AMT: variants seen among roughly 807,000 people sequenced by gnomAD.
The protein encoded by AMT is aminomethyltransferase.
A neutral mutation model predicts 39.5 loss-of-function variants in AMT; 24 were observed. The observed-to-expected ratio is 0.61, with a 90% confidence interval of 0.44 to 0.86. The LOEUF (loss-of-function observed/expected upper bound fraction) is 0.86. Among genes scored for constraint, AMT ranks in the 40% least tolerant of loss-of-function variants. The pLI is 0.00. For missense variants in AMT, 501 were observed against 537.0 expected (o/e 0.93, Z 0.66); for synonymous variants, 210 against 212.1 (o/e 0.99, Z 0.09).
chr3:49,422,225 C>T lies in AMT; in HGVS notation c.137G>A (p.Gly46Asp). The T allele has an allele frequency of 6.2e-7, 1 of 1,614,128 alleles. No homozygotes were observed. The highest frequency in any genetic ancestry group is 8.5e-7 in the Non-Finnish European group (1 of 1,180,036). Residue 46 changes from glycine (G) to aspartate (D), a missense_variant, in exon 2 of 9, where the codon GGC becomes GAC. By Grantham distance (94) the Gly-to-Asp change is moderately conservative (BLOSUM62 -1). Coordinates refer to ENST00000273588, the MANE Select transcript of AMT (RefSeq NM_000481.4). Reference protein sequence around the residue: ...TPLYDFHLAHGGKMVAFAGWS... With the variant: ...TPLYDFHLAHDGKMVAFAGWS... ...ACCCGCAAACGCCACCATTTTCCCGCCGTGGGCCAGGTGGAAGTCATAGAG... is the reference window on the plus strand; with the variant it reads ...ACCCGCAAACGCCACCATTTTCCCGTCGTGGGCCAGGTGGAAGTCATAGAG...
chr3:49,419,461 G>A, intron 5 of AMT, 56 bp from the exon 6 acceptor site: 1 of 1,598,158 alleles, frequency 6.3e-7, no homozygotes, highest in Non-Finnish European at 8.5e-7. Context: ...CTCAAAGCTG[G>A]ACTAAAGCCT....
chr3:49,418,668 AT>A (rs35024166), intron 7 of AMT: 924 of 309,762 alleles, frequency 3.0e-3, no homozygotes, highest in East Asian at 6.7e-3. Context: ...TGCCCAGCTA[AT>A]TTTTTTTTTG....
Position 49,417,336 on chromosome 3 carries a change from T to G in AMT, c.*204A>C. 2 of 1,595,544 alleles carry G rather than the reference T, an allele frequency of 1.3e-6. No homozygotes were observed. The highest frequency in any genetic ancestry group is 1.7e-6 in the Non-Finnish European group (2 of 1,176,184). On this transcript the variant is annotated 3_prime_UTR_variant, in exon 9 of 9. Coordinates refer to ENST00000273588, the MANE Select transcript of AMT (RefSeq NM_000481.4). ...TGAAACAAGACATTGTGTGAGCTGGTCCGTCACTCAGAAGCAGGGTCCTGA... is the reference window on the plus strand; with the variant it reads ...TGAAACAAGACATTGTGTGAGCTGGGCCGTCACTCAGAAGCAGGGTCCTGA...
chr3:49,417,690 G>C lies in AMT; in HGVS notation c.1062C>G (p.Pro354=), dbSNP rs377227163. 5.6e-6 allele frequency: 9 copies of C among 1,613,938 alleles called. No individual in the cohort carries two copies. Among genetic ancestry groups the C allele is most frequent in the African/African-American group, 5.3e-5 (4 of 74,898 alleles). ...CCATCGCCACATTCTTCTTCAGAGA[G>C]GGGGAGGGGCAGCCACTAGTCACAG... ...IGTVTSGCPS[P]SLKKNVAMGY... Residue 354 remains proline (P), a synonymous_variant, in exon 9 of 9, where the codon CCC becomes CCG. Transcript: ENST00000273588.
Position 49,417,438 on chromosome 3 carries a change from C to T in AMT, c.*102G>A, listed in dbSNP as rs545080523. On this transcript the variant is annotated 3_prime_UTR_variant, in exon 9 of 9. Coordinates refer to ENST00000273588, the MANE Select transcript of AMT (RefSeq NM_000481.4). ...TCAACCAGACAATTAGAATCAGCCT[C>T]CACCTTAACTGCCCACCCCCAGTGA... 1.1e-5 allele frequency: 17 copies of T among 1,613,212 alleles called. No homozygotes were observed. In the African/African-American group the frequency reaches 2.1e-4, roughly 20 times the overall value.
chr3:49,418,142 A>C, intron 7 of AMT, 169 bp from the exon 8 acceptor site: 1 of 779,988 alleles, frequency 1.3e-6, no homozygotes, highest in Non-Finnish European at 2.1e-6. Flanking sequence ...ACCACCTCCT[A>C]TCCCCTGGAG....
rs1257943493 is a variant in AMT, at chr3:49,417,311, T to A, written c.*229A>T. The A allele has an allele frequency of 4.4e-6, 7 of 1,597,338 alleles. No homozygotes were observed. The highest frequency in any genetic ancestry group is 4.5e-5 in the East Asian group (2 of 44,804). ...AGAGTAGGTCAGTGGGATCATGGAC[T>A]GAAACAAGACATTGTGTGAGCTGGT... is the stretch of plus-strand genomic sequence containing the variant. On this transcript the variant is annotated 3_prime_UTR_variant, in exon 9 of 9. Coordinates refer to ENST00000273588, the MANE Select transcript of AMT (RefSeq NM_000481.4).
chr3:49,418,391 C>T (rs2049036101), intron 7 of AMT: 1 of 258,540 alleles, frequency 3.9e-6, no homozygotes, highest in Non-Finnish European at 7.6e-6. Context: ...CCATGTTGGC[C>T]AGGCTATTCT....
Position 49,421,539 on chromosome 3 carries a change from T to A in AMT, c.292A>T (p.Met98Leu), listed in dbSNP as rs1172174003. 1.2e-6 allele frequency: 2 copies of A among 1,614,164 alleles called. No homozygotes were observed. Among genetic ancestry groups the A allele is most frequent in the Non-Finnish European group, 8.5e-7 (1 of 1,180,020 alleles). ...ATGTCTCCAACCACTAGACTCTCCA[T>A]CAGCTTCACCCGGTCACTACCAAGT... Reference protein sequence around the residue: ...KILGSDRVKLMESLVVGDIAE... With the variant: ...KILGSDRVKLLESLVVGDIAE... Residue 98 changes from methionine to leucine, a missense_variant, in exon 3 of 9, where the codon ATG (methionine) becomes TTG (leucine). By Grantham distance (15) the Met-to-Leu change is conservative (BLOSUM62 2). Transcript: ENST00000273588.
At chr3:49,418,178 C>A in intron 7 of AMT, 12 of 597,896 alleles carry the variant, frequency 2.0e-5, no homozygotes, top group Non-Finnish European at 2.3e-5. Context: ...TGCCGAGCGT[C>A]TTCAGTTTCT....
rs774244896 is a variant in AMT at position 49,419,005 on chromosome 3, A to T, written c.843T>A (p.Thr281=). ...AACTGAGGCTGCCCTCCACAGGTGT[A>T]GTGTGTTCATCAATGTCATTCCCAT... is the stretch of plus-strand genomic sequence containing the variant. ...CLYGNDIDEH[T]TPVEGSLSWT... The change falls in exon 7 of 9, where the codon ACT becomes ACA. Residue 281 remains threonine, a synonymous_variant. Coordinates refer to ENST00000273588, the MANE Select transcript of AMT (RefSeq NM_000481.4). 2.5e-6 allele frequency: 4 copies of T among 1,613,878 alleles called. No homozygotes were observed. The highest frequency in any genetic ancestry group is 2.5e-6 in the Non-Finnish European group (3 of 1,179,978).
chr3:49,418,054 C>A (rs1347939374), intron 7 of AMT, 81 bp from the exon 8 acceptor site: 17 of 1,506,392 alleles, frequency 1.1e-5, no homozygotes, highest in African/African-American at 5.5e-5. Flanking sequence ...CCTCAAGTAA[C>A]ACACTATCTA....
rs2049020585 is a variant in AMT at position 49,417,643 on chromosome 3, CTG to C, written c.1107_1108del (p.Tyr369Ter). 3 of 1,614,154 alleles carry C rather than the reference CTG, an allele frequency of 1.9e-6. No homozygotes were observed. The highest frequency in any genetic ancestry group is 2.5e-6 in the Non-Finnish European group (3 of 1,180,022). On this transcript the variant is annotated stop_gained and frameshift_variant, in exon 9 of 9. Transcript: ENST00000273588. LOFTEE classifies it high-confidence loss of function. ...TACCAGCAGCATTGTCCCTGGACGA[CTG>C]TACTCGCAGGGCACATAACCCATCG...
rs1415469761 is a variant in AMT, at chr3:49,416,945, T to C, written c.*595A>G. On this transcript the variant is annotated 3_prime_UTR_variant, in exon 9 of 9. Transcript: ENST00000273588. ...AGGTGGTGAGTCTGCCATGGTTTGC[T>C]ACTGGGCAGCACACTAGACCAACTT... is the stretch of plus-strand genomic sequence containing the variant. 2.1e-6 allele frequency: 1 copy of C among 467,038 alleles called. No individual in the cohort carries two copies. The highest frequency in any genetic ancestry group is 2.3e-5 in the Admixed American group (1 of 42,892). The allele number at this position is 467,038 out of a possible 1,614,324, so 28.9% of individuals were successfully genotyped here.
At position 49,422,441 on chromosome 3, in the gene AMT, C is replaced by T. The variant is rs753829515; in HGVS notation, c.10G>A (p.Ala4Thr). 6.2e-6 allele frequency: 10 copies of T among 1,613,284 alleles called. No individual in the cohort carries two copies. The highest frequency in any genetic ancestry group is 7.6e-6 in the Non-Finnish European group (9 of 1,179,946). Reference protein sequence around the residue: MQRAVSVVARLGFR... With the variant: MQRTVSVVARLGFR... ...CCCAGACGGGCCACCACACTTACAG[C>T]CCTCTGCATCGTCGCCTGCAACGAG... Residue 4 changes from alanine to threonine, a missense_variant, in exon 1 of 9, where the codon GCT (alanine) becomes ACT (threonine). Coordinates refer to ENST00000273588, the MANE Select transcript of AMT (RefSeq NM_000481.4).
chr3:49,417,962 G>C lies in AMT; in HGVS notation c.889C>G (p.Arg297Gly). Residue 297 changes from arginine (R) to glycine (G), a missense_variant, in exon 8 of 9, where the codon CGA becomes GGA. Arg to Gly is a moderately radical substitution (Grantham distance 125). Coordinates refer to ENST00000273588, the MANE Select transcript of AMT (RefSeq NM_000481.4). ...GCTCCAGGGAAGTCCATAGCAGCTC[G>C]GCGGCGCTTCCCTGGAGAATGACAC... ...SLSWTLGKRRRAAMDFPGAKV... is the reference protein window; with the variant it reads ...SLSWTLGKRRGAAMDFPGAKV... 6.2e-7 allele frequency: 1 copy of C among 1,611,618 alleles called. No homozygotes were observed. Among genetic ancestry groups the C allele is most frequent in the Non-Finnish European group, 8.5e-7 (1 of 1,179,126 alleles).
intron 4 of AMT, 59 bp from the exon 5 acceptor site, chr3:49,419,847 G>A: frequency 1.3e-6 from 2 of 1,503,108 alleles, no homozygotes; most frequent in Admixed American, 3.3e-5. Context: ...ACCATGGGCT[G>A]GACGCTGCAG....
chr3:49,420,272 T>C lies in AMT; in HGVS notation c.410A>G (p.Glu137Gly). ...LDDLIVTNTS[E>G]GHLYVVSNAG... is the part of the protein sequence containing the mutation. ...GTTGGACACCACATACAGGTGGCCC[T>C]CAGAAGTATTGGTTACAATCAAGTC... Residue 137 changes from glutamate (E) to glycine (G), a missense_variant, in exon 4 of 9, where the codon GAG becomes GGG. Coordinates refer to ENST00000273588, the MANE Select transcript of AMT (RefSeq NM_000481.4). 1 of 1,614,156 alleles carries C rather than the reference T, an allele frequency of 6.2e-7. No homozygotes were observed. The highest frequency in any genetic ancestry group is 8.5e-7 in the Non-Finnish European group (1 of 1,180,028).
At position 49,422,114 on chromosome 3, in the gene AMT, T is replaced by C. The variant is rs1467607949; in HGVS notation, c.248A>G (p.His83Arg). The C allele has an allele frequency of 3.1e-6, 5 of 1,613,240 alleles. No individual in the cohort carries two copies. The highest frequency in any genetic ancestry group is 2.7e-5 in the African/African-American group (2 of 74,930). Residue 83 changes from histidine (H) to arginine (R), a missense_variant, in exon 2 of 9, where the codon CAT becomes CGT. Physicochemically the swap from His to Arg is conservative, Grantham distance 29. Coordinates refer to ENST00000273588, the MANE Select transcript of AMT (RefSeq NM_000481.4). ...RQHCSLFDVS[H>R]MLQTKILGSD... ...GCTCCCCTGGCTCACCTGCAGCATATGAGACACGTCAAAGAGCGAGCAGTG... is the reference window on the plus strand; with the variant it reads ...GCTCCCCTGGCTCACCTGCAGCATACGAGACACGTCAAAGAGCGAGCAGTG...
Sources: gnomAD v4.1 joint callset for allele counts on GRCh38, gnomAD v4.1.1 for gene constraint, MANE v1.5 for transcripts, NCBI Gene and HGNC (gene_info 2026-07-23, HGNC 2026-07-21) for gene names.